PDE2A: variants seen among roughly 807,000 people sequenced by gnomAD.
PDE2A encodes cGMP-dependent 3',5'-cyclic phosphodiesterase.
A neutral mutation model predicts 133.6 loss-of-function variants in PDE2A; 53 were observed. The ratio of observed to expected loss-of-function variants is 0.40; its 90% CI spans 0.32 to 0.50. The LOEUF (loss-of-function observed/expected upper bound fraction) is 0.50, where lower values mean the gene tolerates loss of function less well. PDE2A is among the 20% of genes least tolerant of loss of function. The pLI is 0.73. For synonymous variants in PDE2A, 491 were observed against 490.2 expected (o/e 1.00, Z -0.02); for missense variants, 796 against 1,232.4 (o/e 0.65, Z 5.30).
In PDE2A at chr11:72,584,862, A is replaced by G. The variant is rs452228; in HGVS notation, c.1359+10T>C. The G allele has an allele frequency of 1, 1,607,612 of 1,613,704 alleles. 800,936 individuals carry two copies. The highest frequency in any genetic ancestry group is 1 in the East Asian group (44,854 of 44,856). On this transcript the variant is annotated intron_variant, in intron 17 of 30. Transcript: ENST00000334456. ...CCCTAGGGCCACATACTCCCTCCAC[A>G]CCCTCTCACCTCATCATCCACCACG... is the stretch of plus-strand genomic sequence containing the variant.
chr11:72,582,376 C>A (rs900114406), intron 21 of PDE2A, 68 bp downstream of exon 21: 8 of 1,475,146 alleles, frequency 5.4e-6, no homozygotes, highest in African/African-American at 1.4e-5. Flanking sequence ...GTTCTTGATG[C>A]GCATTTAACT....
intron 2 of PDE2A, among the ~76,000 whole-genome samples, chr11:72,635,272 C>T (rs1858622328): frequency 6.6e-6 from 1 of 152,202 alleles, no homozygotes; most frequent in South Asian, 2.1e-4. Flanking sequence ...AGCCCAGCCT[C>T]TTCTGTCCTC....
Position 72,661,790 on chromosome 11 carries a change from G to A in PDE2A, c.71+12347C>T, listed in dbSNP as rs192099488. Among the ~76,000 whole-genome samples the A allele has an allele frequency of 1.5e-3, 224 of 152,320 alleles. 4 individuals carry two copies. The East Asian group carries it at 0.031, about 21-fold the overall frequency. ...ACTTCAAGTGCAAGTGCTTCCCTGC[G>A]ATGCGCCACACATGTGCTGAATCGT... On this transcript the variant is annotated intron_variant, in intron 1 of 30. Coordinates refer to ENST00000334456, the MANE Select transcript of PDE2A (RefSeq NM_002599.5).
chr11:72,581,238 G>A (rs1565147838), intron 23 of PDE2A, 119 bp downstream of exon 23: 2 of 1,050,512 alleles, frequency 1.9e-6, no homozygotes, highest in Admixed American at 2.1e-5. Context: ...TAGTCCCCTG[G>A]GGCTAAGAAG....
At chr11:72,638,654 C>T (rs1486426588) in intron 2 of PDE2A, among the ~76,000 whole-genome samples, 2 of 150,798 alleles carry the variant, frequency 1.3e-5, no homozygotes, top group Non-Finnish European at 3.0e-5. Context: ...CAGCAGTGTT[C>T]CATAAAGACT....
chr11:72,663,221 A>AG (rs1855124173), intron 1 of PDE2A, among the ~76,000 whole-genome samples: 1 of 152,196 alleles, frequency 6.6e-6, no homozygotes, highest in South Asian at 2.1e-4. Context: ...AAGCACAGGC[A>AG]GGGCACACCA....
In PDE2A at chr11:72,590,489, G is replaced by A. The variant is rs369285441; in HGVS notation, c.641C>T (p.Ala214Val). 9.8e-6 allele frequency: 15 copies of A among 1,525,746 alleles called. No homozygotes were observed. Among genetic ancestry groups the A allele is most frequent in the African/African-American group, 1.4e-5 (1 of 71,724 alleles). The allele number at this position is 1,525,746 out of a possible 1,614,324, so 94.5% of individuals were successfully genotyped here. Reference protein sequence around the residue: ...RAVQNPPEGTAEDQKGGAAYT... With the variant: ...RAVQNPPEGTVEDQKGGAAYT... The stretch of plus-strand genomic sequence containing the variant: ...CGCCGCCCCGCCCTTCTGGTCTTCC[G>A]CCGTCCCCTCCGGGGGGTTCTGGAC... The change falls in exon 8 of 31, where the codon GCG becomes GTG. Residue 214 changes from alanine (A) to valine (V), a missense_variant. Physicochemically the swap from Ala to Val is moderately conservative, Grantham distance 64. Coordinates refer to ENST00000334456, the MANE Select transcript of PDE2A (RefSeq NM_002599.5). The surrounding 1 kb of genome is among the most constrained non-coding windows in gnomAD (Gnocchi z 4.8).
chr11:72,584,813 C>A, intron 17 of PDE2A, 59 bp downstream of exon 17: 3 of 1,609,570 alleles, frequency 1.9e-6, no homozygotes, highest in African/African-American at 1.3e-5. Flanking sequence ...CGCTCCCCAG[C>A]GCCGCCGGCG....
At chr11:72,592,063 T>G (rs1337992635) in intron 6 of PDE2A, among the ~76,000 whole-genome samples, 2 of 152,092 alleles carry the variant, frequency 1.3e-5, no homozygotes, top group African/African-American at 4.8e-5. Context: ...CCCATCATCC[T>G]GTCCCTCTCC....
intron 1 of PDE2A, among the ~76,000 whole-genome samples, chr11:72,660,990 T>C: frequency 6.6e-6 from 1 of 152,064 alleles, no homozygotes; most frequent in East Asian, 1.9e-4. Flanking sequence ...GGCATCTGGC[T>C]GTGTCCTCTC....
At chr11:72,615,346 G>A (rs1037377575) in intron 2 of PDE2A, among the ~76,000 whole-genome samples, 23 of 152,234 alleles carry the variant, frequency 1.5e-4, no homozygotes, top group African/African-American at 5.5e-4. Context: ...AGGTTTGGGG[G>A]TGGATGAAGG....
intron 3 of PDE2A, 39 bp downstream of exon 3, chr11:72,608,623 G>T: frequency 1.0e-6 from 1 of 994,022 alleles, no homozygotes; most frequent in Non-Finnish European, 1.6e-6. Context: ...AAGGATTTGG[G>T]GGTGGGGTGG....
chr11:72,590,563 C>T lies in PDE2A; in HGVS notation c.567G>A (p.Arg189=). 1 of 1,388,196 alleles carries T rather than the reference C, an allele frequency of 7.2e-7. No homozygotes were observed. The highest frequency in any genetic ancestry group is 1.6e-5 in the South Asian group (1 of 60,850). 86.0% of individuals were successfully genotyped at this position (1,388,196 alleles called of 1,614,324 possible). Residue 189 remains arginine (R), a synonymous_variant, in exon 8 of 31, where the codon CGG becomes CGA. Transcript: ENST00000334456. The surrounding 1 kb of genome is among the most constrained non-coding windows in gnomAD (Gnocchi z 4.8). ...AVEKHTLVAL[R]RVQVLQQRGP... ...CGCGCTGCTGCAGGACCTGCACCCT[C>T]CGCAGGGCGACCAGGGTCTGGGGCA...
intron 6 of PDE2A, among the ~76,000 whole-genome samples, chr11:72,593,773 C>T (rs537072206): frequency 1.3e-5 from 2 of 152,360 alleles, no homozygotes; most frequent in South Asian, 4.1e-4. Flanking sequence ...CACAGCCCTG[C>T]ACCTGGCCAG....
intron 1 of PDE2A, among the ~76,000 whole-genome samples, chr11:72,656,228 C>A (rs1854897291): frequency 6.6e-6 from 1 of 152,186 alleles, no homozygotes; most frequent in Non-Finnish European, 1.5e-5. Context: ...CTGTTGTAAC[C>A]CTGAATGAGT....
At chr11:72,646,393 C>A (rs976970416) in intron 1 of PDE2A, among the ~76,000 whole-genome samples, 1 of 152,238 alleles carries the variant, frequency 6.6e-6, no homozygotes, top group Non-Finnish European at 1.5e-5. Context: ...ACGGCATTAG[C>A]CCCATTTTAC....
At chr11:72,641,820 G>A (rs1223477598) in intron 2 of PDE2A, among the ~76,000 whole-genome samples, 3 of 152,240 alleles carry the variant, frequency 2.0e-5, no homozygotes, top group Non-Finnish European at 4.4e-5. Flanking sequence ...TGGAGGTTTG[G>A]GGCTTTGGGT....
At chr11:72,642,123 C>T in intron 2 of PDE2A, 131 bp downstream of exon 2, 1 of 1,254,850 alleles carries the variant, frequency 8.0e-7, no homozygotes, top group South Asian at 2.1e-5. Context: ...CGCTGCCGTC[C>T]CAGCACAGGA....
At position 72,584,535 on chromosome 11, in the gene PDE2A, G is replaced by T; in HGVS notation, c.1537+16C>A. ...CGGCGCAGGCCCCGCCCCTCCGCCC[G>T]GGCCGCCACGCGCACCCTGGTTCTC... On this transcript the variant is annotated intron_variant, in intron 18 of 30. Coordinates refer to ENST00000334456, the MANE Select transcript of PDE2A (RefSeq NM_002599.5). The T allele has an allele frequency of 6.3e-7, 1 of 1,584,502 alleles. No individual in the cohort carries two copies. Among genetic ancestry groups the T allele is most frequent in the Non-Finnish European group, 8.6e-7 (1 of 1,166,072 alleles).
Sources: allele counts gnomAD v4.1 joint callset (sites outside exome capture counted in the v4.1 genomes callset), GRCh38; gene constraint gnomAD v4.1.1; non-coding constraint Gnocchi (gnomAD v3.1); transcripts MANE v1.5; gene names NCBI Gene and HGNC (gene_info 2026-07-23, HGNC 2026-07-21).